ZSCAN30: variants seen among roughly 807,000 people sequenced by gnomAD.
The protein encoded by ZSCAN30 is zinc finger and SCAN domain containing 30.
Under a neutral mutation model 44.3 loss-of-function variants are expected in ZSCAN30, and 37 were observed. The observed-to-expected ratio is 0.84, with a 90% confidence interval of 0.64 to 1.10. The LOEUF is 1.10. Ranked by LOEUF, ZSCAN30 falls within the 50% of genes least tolerant of loss-of-function variation. The probability of loss-of-function intolerance (pLI) is 0.00; values close to 1 mark genes in which losing one functional copy is unlikely to be tolerated. For missense variants in ZSCAN30, 549 were observed against 582.6 expected, an observed-to-expected ratio of 0.94 and a Z score of 0.59; for synonymous variants, 181 against 204.6, an observed-to-expected ratio of 0.88 and a Z score of 0.98.
At chr18:35,258,483 T>A (rs891340948) in intron 3 of ZSCAN30, 1 of 155,862 alleles carries the variant, frequency 6.4e-6, no homozygotes, top group African/African-American at 2.4e-5. Flanking sequence ...TTCAGATGAA[T>A]GTGGAGAAAC....
intron 1 of ZSCAN30, among the ~76,000 whole-genome samples, chr18:35,266,519 G>C (rs2044153216): frequency 6.6e-6 from 1 of 152,122 alleles, no homozygotes; most frequent in African/African-American, 2.4e-5. Context: ...GGATGATGGT[G>C]CTATTTGCTG....
At chr18:35,272,358 T>TTC (rs1457818199) in intron 1 of ZSCAN30, among the ~76,000 whole-genome samples, 5 of 146,830 alleles carry the variant, frequency 3.4e-5, no homozygotes, top group African/African-American at 1.3e-4. Flanking sequence ...AAGTTTTTTT[T>TTC]TTTTTTTTAG....
chr18:35,287,688 A>T (rs886191022), intron 1 of ZSCAN30, among the ~76,000 whole-genome samples: 1 of 152,030 alleles, frequency 6.6e-6, no homozygotes, highest in Non-Finnish European at 1.5e-5. Flanking sequence ...AAAATCCTGG[A>T]GGAAATCTTG....
rs372479710 is a variant in ZSCAN30 at position 35,264,116 on chromosome 18, C to T, written c.237G>A (p.Pro79=). Residue 79 remains proline, a synonymous_variant, in exon 2 of 4, where the codon CCG becomes CCA. Transcript: ENST00000333206. ...LRELCCQWLR[P]EVHSKEQILE... Reference sequence around the variant, plus strand: ...GGATCTGCTCCTTGGAGTGCACCTCCGGCCTCAACCACTGACAGCAAAGCT... The same window carrying T: ...GGATCTGCTCCTTGGAGTGCACCTCTGGCCTCAACCACTGACAGCAAAGCT... 6.0e-5 allele frequency: 97 copies of T among 1,613,988 alleles called. No individual in the cohort carries two copies. The highest frequency in any genetic ancestry group is 7.9e-5 in the Non-Finnish European group (93 of 1,179,968).
chr18:35,255,218 T>TTA (rs2043760919), intron 3 of ZSCAN30, among the ~76,000 whole-genome samples: 1 of 151,182 alleles, frequency 6.6e-6, no homozygotes, highest in South Asian at 2.1e-4. Flanking sequence ...TAGTCTCCTG[T>TTA]TATGAGTTAC....
chr18:35,280,482 C>T (rs1003099702), intron 1 of ZSCAN30, among the ~76,000 whole-genome samples: 4 of 152,062 alleles, frequency 2.6e-5, no homozygotes, highest in African/African-American at 9.7e-5. Flanking sequence ...AAGGTGATGC[C>T]AATGACCTTA....
intron 1 of ZSCAN30, among the ~76,000 whole-genome samples, chr18:35,288,380 CATGTT>C (rs1451122404): frequency 6.6e-6 from 1 of 152,064 alleles, no homozygotes; most frequent in Non-Finnish European, 1.5e-5. Flanking sequence ...CTCATGTACT[CATGTT>C]AGGAATGCAA....
intron 3 of ZSCAN30, chr18:35,257,858 A>T: frequency 1.3e-6 from 1 of 780,842 alleles, no homozygotes; most frequent in South Asian, 1.3e-5. Context: ...CCAAGCCTAG[A>T]CTGTAACTGA....
intron 1 of ZSCAN30, chr18:35,289,338 C>T (rs2044612289): frequency 6.6e-6 from 1 of 152,072 alleles, no homozygotes; most frequent in African/African-American, 2.4e-5. Flanking sequence ...CTCAAGTTCC[C>T]ACATCTCTTT....
chr18:35,255,004 G>C (rs1314713159), intron 3 of ZSCAN30: 1 of 153,816 alleles, frequency 6.5e-6, no homozygotes, highest in Non-Finnish European at 1.5e-5. Context: ...TCTCAGGTCA[G>C]GTGGGAATTT....
At chr18:35,288,512 T>G (rs2044593347) in intron 1 of ZSCAN30, among the ~76,000 whole-genome samples, 2 of 152,224 alleles carry the variant, frequency 1.3e-5, no homozygotes, top group Admixed American at 6.5e-5. Context: ...ACATGAATGT[T>G]CTCAGCTTTA....
In ZSCAN30 at chr18:35,264,414, G is replaced by A. The variant is rs998853374; in HGVS notation, c.-62C>T. The A allele has an allele frequency of 1.8e-5, 27 of 1,530,612 alleles. No homozygotes were observed. Among genetic ancestry groups the A allele is most frequent in the Middle Eastern group, 1.8e-4 (1 of 5,526 alleles). 94.8% of individuals were successfully genotyped at this position (1,530,612 alleles called of 1,614,324 possible). A position where few individuals can be genotyped will look rare whatever the true frequency, so the allele number is the denominator to read the frequency against. ...AGGCAGGGAGGAGATGGAGATTTGC[G>A]TCTGAGAGATTCCTTCTGAATTCCA... On this transcript the variant is annotated 5_prime_UTR_variant, in exon 2 of 4. It adds an upstream start codon to the 5' untranslated region. Transcript: ENST00000333206.
chr18:35,266,058 T>C (rs900217338), intron 1 of ZSCAN30, among the ~76,000 whole-genome samples: 2 of 152,160 alleles, frequency 1.3e-5, no homozygotes, highest in Non-Finnish European at 2.9e-5. Context: ...ACCAGATTAA[T>C]GGCTGTCACT....
intron 1 of ZSCAN30, among the ~76,000 whole-genome samples, chr18:35,273,069 C>A (rs1273707006): frequency 6.6e-6 from 1 of 152,176 alleles, no homozygotes. Flanking sequence ...GGACACAGAG[C>A]CAAACCGTAT....
intron 3 of ZSCAN30, chr18:35,262,808 G>C (rs555890169): frequency 6.5e-6 from 1 of 153,058 alleles, no homozygotes; most frequent in Admixed American, 6.5e-5. Flanking sequence ...CTAAGACCTG[G>C]CAGGAAAGGG....
intron 1 of ZSCAN30, among the ~76,000 whole-genome samples, chr18:35,270,429 T>G (rs1179273770): frequency 1.3e-5 from 2 of 152,160 alleles, no homozygotes; most frequent in Non-Finnish European, 2.9e-5. Flanking sequence ...CTTTTTAATT[T>G]TTGTTTCTCA....
chr18:35,284,084 G>A (rs1465466590), intron 1 of ZSCAN30: 2 of 153,556 alleles, frequency 1.3e-5, no homozygotes, highest in Non-Finnish European at 2.9e-5. Flanking sequence ...GCCCTGAAGT[G>A]GGTAGCTCCT....
chr18:35,263,548 G>A lies in ZSCAN30; in HGVS notation c.518C>T (p.Thr173Ile), dbSNP rs1358690397. 2 of 1,614,102 alleles carry A rather than the reference G, an allele frequency of 1.2e-6. No homozygotes were observed. Among genetic ancestry groups the A allele is most frequent in the East Asian group, 2.2e-5 (1 of 44,892 alleles). ...GAAAGCCTGGGACTCCTGAGTCTCA[G>A]TCTTGCACTGGTTCTCTAAGGGCTG... ...PVQPLENQCK[T>I]ETQESQAFQE... The change falls in exon 3 of 4, where the codon ACT becomes ATT. Residue 173 changes from threonine to isoleucine, a missense_variant. By Grantham distance (89) the Thr-to-Ile change is moderately conservative. Transcript: ENST00000333206.
chr18:35,270,915 G>A (rs956114819), intron 1 of ZSCAN30, among the ~76,000 whole-genome samples: 8 of 152,192 alleles, frequency 5.3e-5, no homozygotes, highest in African/African-American at 9.6e-5. Context: ...GGCTTCAGGA[G>A]TGAAGCTGCA....
Sources: allele counts gnomAD v4.1 joint callset (sites outside exome capture counted in the v4.1 genomes callset), GRCh38; gene constraint gnomAD v4.1.1; transcripts MANE v1.5; gene names NCBI Gene and HGNC (gene_info 2026-07-23, HGNC 2026-07-21).